BACH2: variants seen among roughly 807,000 people sequenced by gnomAD.
BACH2 encodes BACH transcriptional regulator 2.
A neutral mutation model predicts 61.8 loss-of-function variants in BACH2; 5 were observed. That is an observed-to-expected ratio of 0.08 (90% CI 0.04 to 0.17). The LOEUF (loss-of-function observed/expected upper bound fraction) is 0.17. BACH2 is among the 10% of genes least tolerant of loss of function. The pLI is 1.00. For missense variants in BACH2, 824 were observed against 1,091.1 expected (o/e 0.76, Z 3.45); for synonymous variants, 446 against 440.1 (o/e 1.01, Z -0.17).
intron 1 of BACH2, among the ~76,000 whole-genome samples, chr6:90,275,608 C>A (rs569653461): frequency 2.0e-5 from 3 of 152,104 alleles, no homozygotes; most frequent in Non-Finnish European, 4.4e-5. Context: ...AGGTACTAAG[C>A]CTAGTACCTG....
chr6:90,105,268 A>T (rs1282319085), intron 4 of BACH2, among the ~76,000 whole-genome samples: 1 of 152,208 alleles, frequency 6.6e-6, no homozygotes. Context: ...GGTTTCCTTC[A>T]CTTGTTTTGG....
At chr6:90,100,894 T>C (rs1455320575) in intron 4 of BACH2, among the ~76,000 whole-genome samples, 4 of 152,186 alleles carry the variant, frequency 2.6e-5, no homozygotes, top group Non-Finnish European at 4.4e-5. Flanking sequence ...TTCCAATTTC[T>C]CCACATCCTC....
intron 6 of BACH2, 153 bp from the exon 7 acceptor site, chr6:89,952,015 T>C (rs1774158607): frequency 1.2e-6 from 1 of 860,630 alleles, no homozygotes; most frequent in Non-Finnish European, 1.8e-6. Context: ...TCAGCAATGA[T>C]TCTGCTTCCA....
At chr6:90,108,623 A>C (rs988402699) in intron 4 of BACH2, among the ~76,000 whole-genome samples, 1 of 152,188 alleles carries the variant, frequency 6.6e-6, no homozygotes, top group Non-Finnish European at 1.5e-5. Context: ...ATGCTACCTC[A>C]CAAGCTGGTT....
intron 4 of BACH2, among the ~76,000 whole-genome samples, chr6:90,187,973 C>A (rs1768418827): frequency 6.6e-6 from 1 of 152,168 alleles, no homozygotes; most frequent in South Asian, 2.1e-4. Flanking sequence ...CTACGGGTCT[C>A]ACTATGCGGA....
chr6:90,063,799 G>A (rs113962349), intron 5 of BACH2, among the ~76,000 whole-genome samples: 2,201 of 152,204 alleles, frequency 0.014, 47 homozygotes, highest in African/African-American at 0.051. Flanking sequence ...ATTGGATACC[G>A]ATAGATATCT....
At chr6:90,183,096 G>T (rs1312714111) in intron 4 of BACH2, among the ~76,000 whole-genome samples, 1 of 152,150 alleles carries the variant, frequency 6.6e-6, no homozygotes, top group Non-Finnish European at 1.5e-5. Context: ...ATCATAGCTG[G>T]AATGTGACAG....
chr6:89,966,410 A>G (rs570293798), intron 6 of BACH2, among the ~76,000 whole-genome samples: 1 of 152,272 alleles, frequency 6.6e-6, no homozygotes, highest in East Asian at 1.9e-4. Context: ...CTCTGTGAGG[A>G]TTTAAACAGC....
chr6:89,977,787 A>C (rs1270062159), intron 6 of BACH2, among the ~76,000 whole-genome samples: 1 of 152,242 alleles, frequency 6.6e-6, no homozygotes, highest in Non-Finnish European at 1.5e-5. Flanking sequence ...CAGCAGTGTC[A>C]GTAAATAGAG....
At chr6:90,148,459 T>C (rs898293550) in intron 4 of BACH2, among the ~76,000 whole-genome samples, 4 of 152,226 alleles carry the variant, frequency 2.6e-5, no homozygotes, top group Non-Finnish European at 5.9e-5. Flanking sequence ...AGATGCTATT[T>C]GCTGCACTTT....
At chr6:90,007,826 A>G (rs997520726) in intron 6 of BACH2, among the ~76,000 whole-genome samples, 1 of 152,236 alleles carries the variant, frequency 6.6e-6, no homozygotes, top group Admixed American at 6.5e-5. Context: ...CGCTGGTGGT[A>G]CACAGGGAAT....
intron 4 of BACH2, among the ~76,000 whole-genome samples, chr6:90,202,174 T>A (rs1008789827): frequency 2.0e-5 from 3 of 152,184 alleles, no homozygotes; most frequent in African/African-American, 7.2e-5. Flanking sequence ...GACAAATATG[T>A]GTTGGAGCTG....
Position 90,083,296 on chromosome 6 carries a change from G to T in BACH2, c.-13+5665C>A, listed in dbSNP as rs138429807. Reference sequence around the variant, plus strand: ...TACTACAACTGATGTCACTGGGCAGGCAGCTTTATAATAAAACATAGATTA... The same window carrying T: ...TACTACAACTGATGTCACTGGGCAGTCAGCTTTATAATAAAACATAGATTA... On this transcript the variant is annotated intron_variant, in intron 5 of 8. Coordinates refer to ENST00000257749, the MANE Select transcript of BACH2 (RefSeq NM_021813.4). Among the ~76,000 whole-genome samples, 95 of 152,252 alleles carry T rather than the reference G, an allele frequency of 6.2e-4. 1 individual carries two copies. In the East Asian group the frequency reaches 0.017, roughly 27 times the overall value.
In BACH2 at chr6:90,276,364, G is replaced by A. The variant is rs552248322; in HGVS notation, c.-445-4423C>T. Among the ~76,000 whole-genome samples the A allele has an allele frequency of 7.9e-5, 12 of 152,294 alleles. No individual in the cohort carries two copies. The South Asian group carries it at 2.3e-3, about 29-fold the overall frequency. Reference sequence around the variant, plus strand: ...AAAATGTGAAGGATTTCTCTGCCTAGTCTGCTTAAGATCAACAACACCTAT... The same window carrying A: ...AAAATGTGAAGGATTTCTCTGCCTAATCTGCTTAAGATCAACAACACCTAT... On this transcript the variant is annotated intron_variant, in intron 1 of 8. Transcript: ENST00000257749.
chr6:90,073,548 G>T (rs1481306795), intron 5 of BACH2, among the ~76,000 whole-genome samples: 9 of 152,158 alleles, frequency 5.9e-5, no homozygotes, highest in Non-Finnish European at 4.4e-5. Flanking sequence ...TCAGCTCAAT[G>T]AAACACCTTT....
At chr6:90,233,748 T>A (rs1357615249) in intron 3 of BACH2, among the ~76,000 whole-genome samples, 1 of 152,194 alleles carries the variant, frequency 6.6e-6, no homozygotes, top group Non-Finnish European at 1.5e-5. Context: ...GTGTAAATCC[T>A]ATGGTCTTTA....
At chr6:90,121,751 G>C (rs1243117028) in intron 4 of BACH2, among the ~76,000 whole-genome samples, 1 of 152,056 alleles carries the variant, frequency 6.6e-6, no homozygotes, top group Non-Finnish European at 1.5e-5. Flanking sequence ...TCACCATGTT[G>C]GTCAGGCTGG....
intron 1 of BACH2, among the ~76,000 whole-genome samples, chr6:90,279,404 T>C (rs577366149): frequency 1.2e-3 from 177 of 151,534 alleles, no homozygotes; most frequent in African/African-American, 4.0e-3. Flanking sequence ...ATGCCTGTAA[T>C]CGCAGCCACT....
intron 6 of BACH2, among the ~76,000 whole-genome samples, chr6:89,985,559 G>A (rs1415122537): frequency 6.6e-6 from 1 of 152,134 alleles, no homozygotes; most frequent in Non-Finnish European, 1.5e-5. Flanking sequence ...GCTGCCCCTG[G>A]GGCAGACACA....
Sources: allele counts gnomAD v4.1 joint callset (sites outside exome capture counted in the v4.1 genomes callset), GRCh38; gene constraint gnomAD v4.1.1; transcripts MANE v1.5; gene names NCBI Gene and HGNC (gene_info 2026-07-23, HGNC 2026-07-21).